The following PIWIL1 variants were observed in gnomAD, a reference collection of about 807,000 sequenced individuals.
PIWIL1 encodes piwi like RNA-mediated gene silencing 1.
In PIWIL1, 73 loss-of-function variants were observed where a neutral mutation model predicts 114.4. The observed-to-expected ratio is 0.64, with a 90% confidence interval of 0.53 to 0.78. The LOEUF is 0.78. Among genes scored for constraint, PIWIL1 ranks in the 30% least tolerant of loss-of-function variants. The probability of loss-of-function intolerance (pLI) is 0.00; values close to 1 mark genes in which losing one functional copy is unlikely to be tolerated. For synonymous variants in PIWIL1, 375 were observed against 369.0 expected, an observed-to-expected ratio of 1.02 and a Z score of -0.19; for missense variants, 723 against 1,063.1, an observed-to-expected ratio of 0.68 and a Z score of 4.45.
chr12:130,374,767 G>A (rs910700121), downstream of PIWIL1, among the ~76,000 whole-genome samples: 9 of 152,120 alleles, frequency 5.9e-5, no homozygotes, highest in African/African-American at 2.2e-4. Flanking sequence ...GTGATCCCTC[G>A]TATTTCAGGC....
At chr12:130,345,657 T>TGTA (rs1199011371) in intron 3 of PIWIL1, 96 bp from the exon 4 acceptor site, 1 of 1,312,520 alleles carries the variant, frequency 7.6e-7, no homozygotes, top group East Asian at 2.3e-5. Flanking sequence ...TACACCTCAG[T>TGTA]ATCCTTTGGA....
At chr12:130,400,281 C>T in the PIWIL1 span, among the ~76,000 whole-genome samples, 2 of 152,222 alleles carry the variant, frequency 1.3e-5, no homozygotes, top group Admixed American at 6.5e-5. Context: ...CTGGTCTACT[C>T]AGCCTTAAGA....
In PIWIL1 at chr12:130,347,039, G is replaced by A. The variant is rs761886864; in HGVS notation, c.630G>A (p.Gln210=). Residue 210 remains glutamine (Q), a synonymous_variant, in exon 6 of 21, where the codon CAG becomes CAA. Coordinates refer to ENST00000245255, the MANE Select transcript of PIWIL1 (RefSeq NM_004764.5). The part of the protein sequence containing the change: ...ELPPTSPTCL[Q]FYNIIFRRLL... Reference sequence around the variant, plus strand: ...CACCTACATCACCAACTTGTTTGCAGTTCTATAATATTATTTTCAGGAGGT... The same window carrying A: ...CACCTACATCACCAACTTGTTTGCAATTCTATAATATTATTTTCAGGAGGT... 6.2e-7 allele frequency: 1 copy of A among 1,611,882 alleles called. No individual in the cohort carries two copies. Among genetic ancestry groups the A allele is most frequent in the Non-Finnish European group, 8.5e-7 (1 of 1,178,890 alleles).
At chr12:130,384,467 C>T in the PIWIL1 span, among the ~76,000 whole-genome samples, 7 of 152,184 alleles carry the variant, frequency 4.6e-5, no homozygotes, top group African/African-American at 1.2e-4. Context: ...AGTACCAGCA[C>T]ATAGGCACGG....
rs1210560374 is a variant in PIWIL1 at position 130,346,326 on chromosome 12, A to G, written c.317-44A>G. 4 of 1,457,554 alleles carry G rather than the reference A, an allele frequency of 2.7e-6. No homozygotes were observed. In the African/African-American group the frequency reaches 4.2e-5, roughly 15 times the overall value. 90.3% of individuals were successfully genotyped at this position (1,457,554 alleles called of 1,614,324 possible). A position where few individuals can be genotyped will look rare whatever the true frequency, so the allele number is the denominator to read the frequency against. ...ATGGTAGGAAAGATTTCAAGGAAAA[A>G]TAAACTTGATATTTTGTTAATTGAC... On this transcript the variant is annotated intron_variant, in intron 4 of 20. Transcript: ENST00000245255.
chr12:130,369,410 C>T (rs1479684694), intron 19 of PIWIL1, among the ~76,000 whole-genome samples: 1 of 151,982 alleles, frequency 6.6e-6, no homozygotes, highest in African/African-American at 2.4e-5. Context: ...GGGTATATAC[C>T]CAGTAATGGG....
chr12:130,392,428 C>T, the PIWIL1 span, among the ~76,000 whole-genome samples: 5 of 105,478 alleles, frequency 4.7e-5, no homozygotes, highest in Non-Finnish European at 1.1e-4. Flanking sequence ...ACCCGGTCAC[C>T]GTCATCACGT....
At chr12:130,364,725 G>A (rs1386183553) in intron 18 of PIWIL1, among the ~76,000 whole-genome samples, 1 of 152,160 alleles carries the variant, frequency 6.6e-6, no homozygotes, top group African/African-American at 2.4e-5. Flanking sequence ...GTGGGGAGGT[G>A]TGGTGTGGTG....
the PIWIL1 span, chr12:130,425,068 G>C: frequency 2.5e-6 from 1 of 393,306 alleles, no homozygotes; most frequent in East Asian, 3.6e-5. Flanking sequence ...GGTGGAGGCT[G>C]AGGCAGAGCA....
intron 13 of PIWIL1, 113 bp from the exon 14 acceptor site, chr12:130,357,368 T>G: frequency 1.3e-6 from 1 of 795,852 alleles, no homozygotes; most frequent in Non-Finnish European, 2.0e-6. Context: ...AGTCTCGGTG[T>G]TTGATTTCAT....
chr12:130,411,553 T>TA, the PIWIL1 span, among the ~76,000 whole-genome samples: 81,494 of 151,990 alleles, frequency 0.54, 22,630 homozygotes, highest in East Asian at 0.78. Flanking sequence ...AAAAATAGCA[T>TA]AAAAAATTTT....
chr12:130,424,856 G>A, the PIWIL1 span: 1 of 1,232,052 alleles, frequency 8.1e-7, no homozygotes, highest in Non-Finnish European at 1.0e-6. The surrounding 1 kb of genome is among the most constrained non-coding windows in gnomAD (Gnocchi z 9.8). Context: ...GGTCAGTGCA[G>A]TCCTTACGGG....
chr12:130,387,621 C>T, the PIWIL1 span, among the ~76,000 whole-genome samples: 1 of 133,648 alleles, frequency 7.5e-6, no homozygotes, highest in Non-Finnish European at 1.6e-5. Context: ...ACTACCCCTT[C>T]CTGTCTCCAT....
chr12:130,393,312 A>G, the PIWIL1 span, among the ~76,000 whole-genome samples: 1 of 139,154 alleles, frequency 7.2e-6, no homozygotes, highest in Non-Finnish European at 1.6e-5. Flanking sequence ...TGAATATTGA[A>G]TGTTGTGATG....
intron 18 of PIWIL1, among the ~76,000 whole-genome samples, chr12:130,364,866 G>T (rs1446780639): frequency 6.6e-6 from 1 of 152,154 alleles, no homozygotes; most frequent in African/African-American, 2.4e-5. Flanking sequence ...TGAAGTGAAG[G>T]AAATTGTCAA....
intron 4 of PIWIL1, 67 bp from the exon 5 acceptor site, chr12:130,346,303 G>A: frequency 8.1e-7 from 1 of 1,237,414 alleles, no homozygotes; most frequent in Non-Finnish European, 1.2e-6. Flanking sequence ...GCCTTGTCAT[G>A]GTAGGAAAGA....
intron 14 of PIWIL1, among the ~76,000 whole-genome samples, chr12:130,358,804 A>G (rs2073434568): frequency 6.6e-6 from 1 of 152,184 alleles, no homozygotes. Context: ...GCTCTCTAGT[A>G]CAAGGCCATC....
At chr12:130,422,323 T>A in the PIWIL1 span, 1 of 572,974 alleles carries the variant, frequency 1.7e-6, no homozygotes, top group Non-Finnish European at 3.2e-6. This position sits in a 1 kb window ranked among gnomAD's most constrained non-coding sequence, Gnocchi z 5.2. Flanking sequence ...TGCCTTCTTT[T>A]TGCCATGAAT....
In PIWIL1 at chr12:130,362,826, C is replaced by G. The variant is rs746119834; in HGVS notation, c.2031C>G (p.Val677=). The change falls in exon 17 of 21, where the codon GTC becomes GTG. Residue 677 remains valine, a synonymous_variant. Coordinates refer to ENST00000245255, the MANE Select transcript of PIWIL1 (RefSeq NM_004764.5). ...AGGAGCTGGTAGATGGGCTCAAAGT[C>G]TGCCTGCAAGGTTAGTCACCTGTGG... ...RGQELVDGLK[V]CLQAALRAWN... 1 of 1,613,938 alleles carries G rather than the reference C, an allele frequency of 6.2e-7. No individual in the cohort carries two copies. The highest frequency in any genetic ancestry group is 2.2e-5 in the East Asian group (1 of 44,898).
Sources: allele counts gnomAD v4.1 joint callset (sites outside exome capture counted in the v4.1 genomes callset), GRCh38; gene constraint gnomAD v4.1.1; non-coding constraint Gnocchi (gnomAD v3.1); transcripts MANE v1.5; gene names NCBI Gene and HGNC (gene_info 2026-07-23, HGNC 2026-07-21).